Variants in ICMT observed in about 807,000 individuals in gnomAD.
ICMT encodes protein-S-isoprenylcysteine O-methyltransferase.
Under a neutral mutation model 32.2 loss-of-function variants are expected in ICMT, and 10 were observed. That is an observed-to-expected ratio of 0.31 (90% CI 0.19 to 0.53). The LOEUF (loss-of-function observed/expected upper bound fraction) is 0.53. Ranked by LOEUF, ICMT falls within the 20% of genes least tolerant of loss-of-function variation. The pLI, the probability that ICMT is intolerant of heterozygous loss-of-function variation, is 0.96. For synonymous variants in ICMT, 183 were observed against 158.2 expected (o/e 1.16, Z -1.18); for missense variants, 265 against 356.9 (o/e 0.74, Z 2.07).
rs1181269107 is a variant in ICMT at position 6,235,916 on chromosome 1, C to CCGGGCGGCGGACTAG, written c.-20_-6dup. On this transcript the variant is annotated 5_prime_UTR_variant, in exon 1 of 5. Transcript: ENST00000343813. The stretch of plus-strand genomic sequence containing the variant: ...CCGCGCCGCGCAGCCCGCCATGGCG[C>CCGGGCGGCGGACTAG]CGGGCGGCGGACTAGCGGGCGGCGG... 5.0e-5 allele frequency: 55 copies of CCGGGCGGCGGACTAG among 1,095,576 alleles called. No homozygotes were observed. Among genetic ancestry groups the CCGGGCGGCGGACTAG allele is most frequent in the African/African-American group, 4.0e-4 (22 of 55,054 alleles). 67.9% of individuals were successfully genotyped at this position (1,095,576 alleles called of 1,614,324 possible).
intron 4 of ICMT, among the ~76,000 whole-genome samples, chr1:6,231,260 G>A (rs1002407963): frequency 9.2e-5 from 14 of 152,054 alleles, no homozygotes; most frequent in African/African-American, 3.4e-4. Flanking sequence ...GGCTCACACA[G>A]CTCACTAACA....
In ICMT at chr1:6,227,174, A is replaced by G. The variant is rs149635531; in HGVS notation, c.673-1912T>C. On this transcript the variant is annotated intron_variant, in intron 4 of 4. Transcript: ENST00000343813. ...ATACACACACAAGTGCTGGAGCACA[A>G]TGTAAAAAAAATCTATGGGCAAAAA... Among the ~76,000 whole-genome samples the G allele has an allele frequency of 7.2e-5, 11 of 152,376 alleles. No homozygotes were observed. In the East Asian group the frequency reaches 1.9e-3, roughly 27 times the overall value.
intron 4 of ICMT, among the ~76,000 whole-genome samples, chr1:6,228,373 C>T (rs868239423): frequency 3.3e-5 from 5 of 151,136 alleles, no homozygotes; most frequent in Non-Finnish European, 7.4e-5. Context: ...GATGGAGTCT[C>T]GCTCTGTCGC....
intron 4 of ICMT, among the ~76,000 whole-genome samples, chr1:6,229,206 T>G (rs1254513957): frequency 6.6e-6 from 1 of 152,028 alleles, no homozygotes; most frequent in East Asian, 1.9e-4. Context: ...GGGCTGGGCA[T>G]GGTGGCTCAT....
chr1:6,228,338 GTTTCTT>G (rs1363228390), intron 4 of ICMT, among the ~76,000 whole-genome samples: 6 of 151,032 alleles, frequency 4.0e-5, no homozygotes, highest in African/African-American at 1.5e-4. Context: ...GGCCAAGCTG[GTTTCTT>G]TTTCTTTTTT....
In ICMT at chr1:6,221,944, C is replaced by G. The variant is rs1055971284; in HGVS notation, c.*3136G>C. 3 of 152,232 alleles carry G rather than the reference C, an allele frequency of 2.0e-5. No homozygotes were observed. The highest frequency in any genetic ancestry group is 7.2e-5 in the African/African-American group (3 of 41,456). 9.4% of individuals were successfully genotyped at this position (152,232 alleles called of 1,614,324 possible). On this transcript the variant is annotated 3_prime_UTR_variant, in exon 5 of 5. Coordinates refer to ENST00000343813, the MANE Select transcript of ICMT (RefSeq NM_012405.4). ...AAACCTGCAATGGAAAAATAAATCT[C>G]TTGACAGTTTTTTAAATCGAGAAAA...
intron 4 of ICMT, among the ~76,000 whole-genome samples, chr1:6,230,068 T>C (rs144580317): frequency 6.6e-6 from 1 of 151,796 alleles, no homozygotes; most frequent in African/African-American, 2.4e-5. Flanking sequence ...GGTAGGAGGA[T>C]GGCTTGAGCC....
In ICMT at chr1:6,222,154, C is replaced by G. The variant is rs996962516; in HGVS notation, c.*2926G>C. On this transcript the variant is annotated 3_prime_UTR_variant, in exon 5 of 5. Transcript: ENST00000343813. ...AGTTCATCTTGGCTGGGCGTGGTGG[C>G]TCACGCCTGTAATCCCAGCACTTTG... 2 of 152,294 alleles carry G rather than the reference C, an allele frequency of 1.3e-5. No homozygotes were observed. The highest frequency in any genetic ancestry group is 2.4e-5 in the African/African-American group (1 of 41,474). 9.4% of individuals were successfully genotyped at this position (152,294 alleles called of 1,614,324 possible). A position where few individuals can be genotyped will look rare whatever the true frequency, so the allele number is the denominator to read the frequency against.
chr1:6,231,566 AAAAC>A (rs1463862377), intron 4 of ICMT, among the ~76,000 whole-genome samples: 7 of 152,090 alleles, frequency 4.6e-5, no homozygotes, highest in African/African-American at 7.2e-5. Flanking sequence ...AAGAAAAAAG[AAAAC>A]AAACAAACAG....
Position 6,222,957 on chromosome 1 carries a change from A to G in ICMT, c.*2123T>C, listed in dbSNP as rs1437286309. On this transcript the variant is annotated 3_prime_UTR_variant, in exon 5 of 5. Coordinates refer to ENST00000343813, the MANE Select transcript of ICMT (RefSeq NM_012405.4). Reference sequence around the variant, plus strand: ...ACAAGTTTAGAAATGATTCAACTCAAGTTCCTAAACAGAGTAAGTGCCAGT... The same window carrying G: ...ACAAGTTTAGAAATGATTCAACTCAGGTTCCTAAACAGAGTAAGTGCCAGT... The G allele has an allele frequency of 6.6e-6, 1 of 152,244 alleles. No individual in the cohort carries two copies. The highest frequency in any genetic ancestry group is 2.4e-5 in the African/African-American group (1 of 41,460). The allele number at this position is 152,244 out of a possible 1,614,324, so 9.4% of individuals were successfully genotyped here.
intron 2 of ICMT, chr1:6,234,465 T>A: frequency 2.0e-6 from 1 of 497,840 alleles, no homozygotes; most frequent in South Asian, 1.5e-5. Flanking sequence ...GAAATCATAG[T>A]GTAGGGAAAA....
At chr1:6,229,396 T>C (rs1400898076) in intron 4 of ICMT, among the ~76,000 whole-genome samples, 1 of 152,096 alleles carries the variant, frequency 6.6e-6, no homozygotes, top group East Asian at 1.9e-4. Flanking sequence ...GAGAATCGCT[T>C]GAACCCGGGA....
Position 6,235,730 on chromosome 1 carries a change from G to A in ICMT, c.182C>T (p.Pro61Leu), listed in dbSNP as rs1424653253. ...LNALLLLLYR[P>L]PRYQIAIRAC... ...GCCGGCCTGCACCTGGTAGCGAGGC[G>A]GCCGATAGAGCAGCAGCAGCAGCGC... is the stretch of plus-strand genomic sequence containing the variant. Residue 61 changes from proline (P) to leucine (L), a missense_variant, in exon 1 of 5, where the codon CCG (proline) becomes CTG (leucine). Transcript: ENST00000343813. 1.5e-6 allele frequency: 2 copies of A among 1,299,374 alleles called. No individual in the cohort carries two copies. Among genetic ancestry groups the A allele is most frequent in the East Asian group, 3.9e-5 (1 of 25,404 alleles). The allele number at this position is 1,299,374 out of a possible 1,614,324, so 80.5% of individuals were successfully genotyped here. A position where few individuals can be genotyped will look rare whatever the true frequency, so the allele number is the denominator to read the frequency against.
chr1:6,226,773 A>G (rs1668651496), intron 4 of ICMT, among the ~76,000 whole-genome samples: 3 of 152,146 alleles, frequency 2.0e-5, no homozygotes, highest in Admixed American at 1.3e-4. Context: ...ACAGGGTCTC[A>G]CTATATTGCC....
At chr1:6,225,291 G>C (rs769804421) in intron 4 of ICMT, 29 bp from the exon 5 acceptor site, 2 of 1,601,124 alleles carry the variant, frequency 1.2e-6, no homozygotes, top group East Asian at 2.2e-5. Flanking sequence ...AGGCTCATCA[G>C]GGTGACCGTG....
chr1:6,226,900 A>G (rs544865689), intron 4 of ICMT, among the ~76,000 whole-genome samples: 64 of 152,250 alleles, frequency 4.2e-4, no homozygotes, highest in Non-Finnish European at 7.8e-4. Flanking sequence ...ATGAGAGGAG[A>G]AGGAGGCCAA....
At position 6,221,223 on chromosome 1, in the gene ICMT, G is replaced by T. The variant is rs1485431256; in HGVS notation, c.*3857C>A. The T allele has an allele frequency of 6.6e-6, 1 of 152,562 alleles. No homozygotes were observed. Among genetic ancestry groups the T allele is most frequent in the Non-Finnish European group, 1.5e-5 (1 of 68,022 alleles). 9.5% of individuals were successfully genotyped at this position (152,562 alleles called of 1,614,324 possible). A position where few individuals can be genotyped will look rare whatever the true frequency, so the allele number is the denominator to read the frequency against. ...TGAAATCAAGTGCAGTTTTATTTAA[G>T]AACTGGAAAGAATAATCAGTATCTG... On this transcript the variant is annotated 3_prime_UTR_variant, in exon 5 of 5. Transcript: ENST00000343813.
chr1:6,228,535 G>A (rs1239857160), intron 4 of ICMT, among the ~76,000 whole-genome samples: 2 of 151,760 alleles, frequency 1.3e-5, no homozygotes. Flanking sequence ...GTAGAGATGA[G>A]GCTTCACTGT....
chr1:6,228,444 G>A (rs1405580974), intron 4 of ICMT, among the ~76,000 whole-genome samples: 6 of 151,844 alleles, frequency 4.0e-5, no homozygotes, highest in South Asian at 2.1e-4. Flanking sequence ...CCGGGTTCAC[G>A]CCATTCTCCT....
Sources: gnomAD v4.1 joint callset for allele counts (sites outside exome capture counted in the v4.1 genomes callset) on GRCh38, gnomAD v4.1.1 for gene constraint, MANE v1.5 for transcripts, NCBI Gene and HGNC (gene_info 2026-07-23, HGNC 2026-07-21) for gene names.